The following CNOT4 variants were observed in gnomAD, a reference collection of about 807,000 sequenced individuals.
CNOT4 encodes the protein CCR4-NOT transcription complex subunit 4.
CNOT4 carries 8 observed loss-of-function variants against 73.8 expected under a neutral mutation model. That is an observed-to-expected ratio of 0.11 (90% CI 0.06 to 0.20). CNOT4 has a LOEUF of 0.20. CNOT4 is among the 10% of genes least tolerant of loss of function. CNOT4 has a pLI of 1.00. For synonymous variants in CNOT4, 293 were observed against 321.1 expected (o/e 0.91, Z 0.94); for missense variants, 564 against 883.4 (o/e 0.64, Z 4.58).
At chr7:135,407,307 A>T (rs1797346685) in intron 7 of CNOT4, among the ~76,000 whole-genome samples, 1 of 152,232 alleles carries the variant, frequency 6.6e-6, no homozygotes, top group South Asian at 2.1e-4. Context: ...TAAACACAGT[A>T]AAAGCTAACT....
At chr7:135,481,169 A>G (rs897967346) in intron 1 of CNOT4, among the ~76,000 whole-genome samples, 1 of 152,192 alleles carries the variant, frequency 6.6e-6, no homozygotes, top group African/African-American at 2.4e-5. Flanking sequence ...TGAATGAGAG[A>G]AAATATTTGC....
chr7:135,410,568 C>T lies in CNOT4; in HGVS notation c.768G>A (p.Thr256=), dbSNP rs920314760. 3 of 1,575,444 alleles carry T rather than the reference C, an allele frequency of 1.9e-6. No homozygotes were observed. The highest frequency in any genetic ancestry group is 2.6e-6 in the Non-Finnish European group (3 of 1,160,246). The change falls in exon 7 of 12, where the codon ACG becomes ACA. Residue 256 remains threonine, a synonymous_variant. Coordinates refer to ENST00000541284, the MANE Select transcript of CNOT4 (RefSeq NM_001190850.2). ...KLNPNFLQLS[T]GSVDKNKNKV... ...TGTTCTTATTTTTATCAACTGAACC[C>T]GTAGATAGCTGAAGAAAATTGGGAT...
intron 1 of CNOT4, among the ~76,000 whole-genome samples, chr7:135,471,687 C>A (rs1801586436): frequency 1.3e-5 from 2 of 151,948 alleles, no homozygotes; most frequent in South Asian, 4.1e-4. Flanking sequence ...AACTATTGAC[C>A]CATACACTCT....
chr7:135,470,485 A>C (rs1300031532), intron 1 of CNOT4, among the ~76,000 whole-genome samples: 6 of 151,488 alleles, frequency 4.0e-5, no homozygotes, highest in African/African-American at 1.5e-4. Context: ...CTCAATGTCC[A>C]CCTGGCCAGG....
At chr7:135,481,371 A>G (rs1802369528) in intron 1 of CNOT4, among the ~76,000 whole-genome samples, 1 of 152,242 alleles carries the variant, frequency 6.6e-6, no homozygotes, top group African/African-American at 2.4e-5. Context: ...ATACAATTCT[A>G]AACCACAATG....
intron 1 of CNOT4, among the ~76,000 whole-genome samples, chr7:135,453,172 C>T (rs1172577146): frequency 6.6e-6 from 1 of 152,108 alleles, no homozygotes; most frequent in Non-Finnish European, 1.5e-5. Flanking sequence ...TTTAGAGATA[C>T]TTCTGTACAT....
rs16874688 is a variant in CNOT4, at chr7:135,382,505, G to A, written c.1627+11413C>T. On this transcript the variant is annotated intron_variant, in intron 10 of 11. Transcript: ENST00000541284. ...AGTTGATATTTCAGCTGACATATAC[G>A]GAGTGAGTTTAAAAATACTTTATTA... Among the ~76,000 whole-genome samples the A allele has an allele frequency of 4.5e-3, 687 of 151,668 alleles. 10 individuals carry two copies. Among genetic ancestry groups the A allele is most frequent in the African/African-American group, 0.016 (652 of 41,352 alleles).
chr7:135,453,989 C>CATATATATATATATATATAT (rs371504271), intron 1 of CNOT4, among the ~76,000 whole-genome samples: 2 of 134,012 alleles, frequency 1.5e-5, no homozygotes, highest in African/African-American at 5.4e-5. Flanking sequence ...AATATATATA[C>CATATATATATATATATATAT]ATATATATAT....
In CNOT4 at chr7:135,438,325, G is replaced by A. The variant is rs754797076; in HGVS notation, c.7C>T (p.Arg3Cys). ...GGGTCTTCCTTCGCATCAGGACTGCGAGACATCTTCACGTTTATTAAACAG... is the reference window on the plus strand; with the variant it reads ...GGGTCTTCCTTCGCATCAGGACTGCAAGACATCTTCACGTTTATTAAACAG... The part of the protein sequence containing the change: MS[R>C]SPDAKEDPVE... Residue 3 changes from arginine (R) to cysteine (C), a missense_variant, in exon 2 of 12, where the codon CGC (arginine) becomes TGC (cysteine). Physicochemically the swap from Arg to Cys is radical, Grantham distance 180. Around this residue, in one of 10 missense-constraint regions of CNOT4, gnomAD observed 76 missense variants for 208.7 expected, o/e 0.36. Transcript: ENST00000541284. The A allele has an allele frequency of 1.7e-5, 27 of 1,601,160 alleles. No homozygotes were observed. Among genetic ancestry groups the A allele is most frequent in the South Asian group, 1.1e-4 (10 of 88,578 alleles).
At chr7:135,385,875 T>C (rs1021302962) in intron 10 of CNOT4, among the ~76,000 whole-genome samples, 1 of 152,144 alleles carries the variant, frequency 6.6e-6, no homozygotes, top group African/African-American at 2.4e-5. Flanking sequence ...CAACCTTGTA[T>C]CTCTAAAGAT....
chr7:135,454,076 G>T (rs1800370813), intron 1 of CNOT4, among the ~76,000 whole-genome samples: 2 of 149,950 alleles, frequency 1.3e-5, no homozygotes, highest in African/African-American at 4.9e-5. Flanking sequence ...CTTTTAAGGG[G>T]TCTAAAATAC....
chr7:135,450,840 T>C (rs1800114535), intron 1 of CNOT4, among the ~76,000 whole-genome samples: 1 of 151,888 alleles, frequency 6.6e-6, no homozygotes, highest in South Asian at 2.1e-4. Flanking sequence ...AAGAGTAACA[T>C]GAATGGTCGG....
chr7:135,418,331 C>T (rs1797985134), intron 3 of CNOT4, among the ~76,000 whole-genome samples: 1 of 152,194 alleles, frequency 6.6e-6, no homozygotes, highest in Admixed American at 6.5e-5. Flanking sequence ...CCCTGTACAT[C>T]AGCACATTAT....
chr7:135,482,461 T>C (rs1175794872), intron 1 of CNOT4, among the ~76,000 whole-genome samples: 1 of 150,864 alleles, frequency 6.6e-6, no homozygotes, highest in Non-Finnish European at 1.5e-5. Flanking sequence ...GAGGCTAAAG[T>C]GAAAGGATCG....
Position 135,364,258 on chromosome 7 carries a change from A to G in CNOT4, c.1628-192T>C, listed in dbSNP as rs1280578955. 6.6e-6 allele frequency among the ~76,000 whole-genome samples: 1 copy of G among 152,202 alleles called. No individual in the cohort carries two copies. Among genetic ancestry groups the G allele is most frequent in the Non-Finnish European group, 1.5e-5 (1 of 68,024 alleles). ...TGAGCTCAGAGCCCCTGAAGTGAGG[A>G]AAAACTTGCTCAAGGATCAGGAGAG... On this transcript the variant is annotated intron_variant, in intron 10 of 11. Coordinates refer to ENST00000541284, the MANE Select transcript of CNOT4 (RefSeq NM_001190850.2). This position sits in a 1 kb window ranked among gnomAD's most constrained non-coding sequence, Gnocchi z 4.3.
intron 1 of CNOT4, chr7:135,444,732 T>A (rs1799711618): frequency 7.2e-7 from 1 of 1,382,626 alleles, no homozygotes; most frequent in Non-Finnish European, 1.0e-6. Context: ...GATGGGCTAT[T>A]CCCTGGCTGC....
intron 1 of CNOT4, chr7:135,509,518 G>C (rs76799185): frequency 0.095 from 14,540 of 152,552 alleles, 842 homozygotes; most frequent in Non-Finnish European, 0.13. Flanking sequence ...ACGTCAGACA[G>C]GGAACAGGGG....
At chr7:135,481,768 C>T (rs1802394294) in intron 1 of CNOT4, among the ~76,000 whole-genome samples, 1 of 152,120 alleles carries the variant, frequency 6.6e-6, no homozygotes, top group East Asian at 1.9e-4. Flanking sequence ...AGAATGAAAT[C>T]ATGTCATTTG....
chr7:135,437,330 T>C (rs1363760245), intron 2 of CNOT4, among the ~76,000 whole-genome samples: 1 of 152,052 alleles, frequency 6.6e-6, no homozygotes, highest in African/African-American at 2.4e-5. Context: ...GCTGGGACTA[T>C]AGGTGCTCGC....
Sources: gnomAD v4.1 joint callset for allele counts (sites outside exome capture counted in the v4.1 genomes callset) on GRCh38, gnomAD v4.1.1 for gene constraint, gnomAD v4.1.1 regional missense constraint, Gnocchi (gnomAD v3.1) non-coding constraint, MANE v1.5 for transcripts, NCBI Gene and HGNC (gene_info 2026-07-23, HGNC 2026-07-21) for gene names.